Variants in FGF14 observed in about 807,000 individuals in gnomAD.
The protein encoded by FGF14 is fibroblast growth factor 14.
A neutral mutation model predicts 25.5 loss-of-function variants in FGF14; 5 were observed. The observed-to-expected ratio is 0.20, with a 90% CI of 0.10 to 0.41. The LOEUF is 0.41. Ranked by LOEUF, FGF14 falls within the 10% of genes least tolerant of loss-of-function variation. FGF14 has a pLI of 1.00. For missense variants in FGF14, 222 were observed against 320.1 expected, an observed-to-expected ratio of 0.69 and a Z score of 2.34; for synonymous variants, 138 against 118.3, an observed-to-expected ratio of 1.17 and a Z score of -1.08.
intron 1 of FGF14, among the ~76,000 whole-genome samples, chr13:102,161,606 A>AG (rs2047683222): frequency 3.0e-4 from 1 of 3,320 alleles, no homozygotes; most frequent in Non-Finnish European, 4.8e-4. Flanking sequence ...AAGAAGAAGA[A>AG]GAAGAAGAAG....
At chr13:102,096,022 ATTTC>A (rs544591928) in intron 1 of FGF14, among the ~76,000 whole-genome samples, 20 of 147,218 alleles carry the variant, frequency 1.4e-4, no homozygotes, top group African/African-American at 4.7e-4. Flanking sequence ...TATATAATAT[ATTTC>A]TTTATTTGAC....
intron 1 of FGF14, among the ~76,000 whole-genome samples, chr13:102,351,300 G>A (rs759836083): frequency 1.5e-4 from 23 of 151,556 alleles, no homozygotes; most frequent in African/African-American, 5.1e-4. Flanking sequence ...AAAAAAAAAC[G>A]ATCTTCTTCC....
intron 1 of FGF14, among the ~76,000 whole-genome samples, chr13:102,209,003 A>G (rs930310539): frequency 2.6e-5 from 4 of 152,224 alleles, no homozygotes; most frequent in African/African-American, 9.6e-5. Flanking sequence ...TGAATGGAGA[A>G]TTTACAATGA....
intron 1 of FGF14, among the ~76,000 whole-genome samples, chr13:102,392,674 T>C (rs2058460871): frequency 6.6e-6 from 1 of 152,196 alleles, no homozygotes; most frequent in Non-Finnish European, 1.5e-5. Flanking sequence ...TCACCAGAAC[T>C]GTCCAAATCA....
At chr13:102,014,930 T>C (rs1050121162) in intron 1 of FGF14, among the ~76,000 whole-genome samples, 3 of 152,210 alleles carry the variant, frequency 2.0e-5, no homozygotes, top group Non-Finnish European at 2.9e-5. Context: ...TATTTATTTA[T>C]TCATTTTGAG....
At chr13:102,216,419 G>A (rs923357286) in intron 1 of FGF14, among the ~76,000 whole-genome samples, 1 of 152,188 alleles carries the variant, frequency 6.6e-6, no homozygotes, top group Non-Finnish European at 1.5e-5. Context: ...AAGGGCACTA[G>A]AGAATGTTAC....
chr13:102,376,958 T>C (rs568593560), intron 1 of FGF14, among the ~76,000 whole-genome samples: 1 of 152,180 alleles, frequency 6.6e-6, no homozygotes, highest in Non-Finnish European at 1.5e-5. Context: ...AAGCCTGCAG[T>C]GAGAAATGCG....
intron 1 of FGF14, among the ~76,000 whole-genome samples, chr13:102,137,772 C>A (rs1323737015): frequency 6.6e-6 from 1 of 151,904 alleles, no homozygotes; most frequent in Non-Finnish European, 1.5e-5. Flanking sequence ...GTGTTATTGT[C>A]TTTTAGGGCC....
chr13:102,007,762 C>A (rs2039882089), intron 1 of FGF14, among the ~76,000 whole-genome samples: 2 of 152,200 alleles, frequency 1.3e-5, no homozygotes, highest in Admixed American at 1.3e-4. Flanking sequence ...TAACTTTTCA[C>A]TCTATATTTC....
chr13:102,350,319 T>C (rs2057238090), intron 1 of FGF14, among the ~76,000 whole-genome samples: 1 of 151,232 alleles, frequency 6.6e-6, no homozygotes, highest in African/African-American at 2.4e-5. Flanking sequence ...TTGTGAGCTA[T>C]AATTGTGCCA....
At chr13:101,939,589 G>A (rs978667802) in intron 1 of FGF14, among the ~76,000 whole-genome samples, 1 of 152,160 alleles carries the variant, frequency 6.6e-6, no homozygotes, top group Admixed American at 6.5e-5. Flanking sequence ...ATGCACCACT[G>A]ACCATGGTTA....
At chr13:102,302,515 C>T (rs764424604) in intron 1 of FGF14, among the ~76,000 whole-genome samples, 2 of 152,110 alleles carry the variant, frequency 1.3e-5, no homozygotes, top group Non-Finnish European at 2.9e-5. Context: ...AAATTTACAT[C>T]CCCAATCCTC....
At chr13:102,142,405 T>A (rs2046680212) in intron 1 of FGF14, among the ~76,000 whole-genome samples, 1 of 151,122 alleles carries the variant, frequency 6.6e-6, no homozygotes, top group Non-Finnish European at 1.5e-5. Flanking sequence ...AAAAAAAAAA[T>A]GGAAAAGGAA....
At position 101,758,683 on chromosome 13, in the gene FGF14, A is replaced by G. The variant is rs76474743; in HGVS notation, c.409-31873T>C. ...TCTTGACCTAACTTTCTAGTTCTCT[A>G]TGTGGTTGGCAACAAATCGAAAAAG... is the stretch of plus-strand genomic sequence containing the variant. On this transcript the variant is annotated intron_variant, in intron 3 of 4. Coordinates refer to ENST00000376143, the MANE Select transcript of FGF14 (RefSeq NM_004115.4). Among the ~76,000 whole-genome samples the G allele has an allele frequency of 6.4e-3, 971 of 152,270 alleles. 10 individuals carry two copies. The highest frequency in any genetic ancestry group is 0.022 in the African/African-American group (919 of 41,556).
chr13:102,209,769 C>T (rs970109414), intron 1 of FGF14, among the ~76,000 whole-genome samples: 1 of 152,144 alleles, frequency 6.6e-6, no homozygotes, highest in Non-Finnish European at 1.5e-5. Context: ...AAACTTTTAA[C>T]ATCTACAATA....
At chr13:101,823,669 T>TGA (rs1262070966) in intron 3 of FGF14, among the ~76,000 whole-genome samples, 1 of 150,674 alleles carries the variant, frequency 6.6e-6, no homozygotes, top group Non-Finnish European at 1.5e-5. Context: ...ACTCCCGACC[T>TGA]GAGGTGATCC....
chr13:101,757,400 G>C (rs1471445470), intron 3 of FGF14, among the ~76,000 whole-genome samples: 1 of 152,076 alleles, frequency 6.6e-6, no homozygotes, highest in East Asian at 1.9e-4. Context: ...ATTCAGAGCT[G>C]AATTTATTAA....
At chr13:101,999,729 T>C (rs2039377746) in intron 1 of FGF14, among the ~76,000 whole-genome samples, 1 of 152,152 alleles carries the variant, frequency 6.6e-6, no homozygotes, top group South Asian at 2.1e-4. Context: ...GACTCTTAAT[T>C]TTATAGATAA....
intron 1 of FGF14, among the ~76,000 whole-genome samples, chr13:102,255,949 C>G (rs1011503164): frequency 5.3e-5 from 8 of 152,010 alleles, no homozygotes; most frequent in African/African-American, 1.9e-4. Context: ...GATGGTGGGA[C>G]TGGTTCTGGT....
Sources: allele counts gnomAD v4.1 joint callset (sites outside exome capture counted in the v4.1 genomes callset), GRCh38; gene constraint gnomAD v4.1.1; transcripts MANE v1.5; gene names NCBI Gene and HGNC (gene_info 2026-07-23, HGNC 2026-07-21).